KIAA1549: variants seen among roughly 807,000 people sequenced by gnomAD.
KIAA1549 encodes the protein UPF0606 protein KIAA1549.
KIAA1549 carries 70 observed loss-of-function variants against 156.4 expected under a neutral mutation model. That is an observed-to-expected ratio of 0.45 (90% confidence interval 0.37 to 0.55). The LOEUF (loss-of-function observed/expected upper bound fraction) is 0.55. Ranked by LOEUF, KIAA1549 falls within the 20% of genes least tolerant of loss-of-function variation. The probability of loss-of-function intolerance (pLI) is 0.00; values close to 1 mark genes in which losing one functional copy is unlikely to be tolerated. For synonymous variants in KIAA1549, 1,103 were observed against 1,066.4 expected (o/e 1.03, Z -0.67); for missense variants, 2,428 against 2,540.9 (o/e 0.96, Z 0.96).
At chr7:138,923,018 A>G (rs1306784126) in intron 1 of KIAA1549, among the ~76,000 whole-genome samples, 1 of 152,180 alleles carries the variant, frequency 6.6e-6, no homozygotes, top group Non-Finnish European at 1.5e-5. Context: ...AGACAAAGAG[A>G]AATTGTAAAA....
At chr7:138,904,535 G>C (rs6467818) in intron 7 of KIAA1549, among the ~76,000 whole-genome samples, 45,593 of 148,464 alleles carry the variant, frequency 0.31, 7,193 homozygotes, top group Middle Eastern at 0.4. Flanking sequence ...GAGTACGTAA[G>C]TACTGTTCAG....
intron 8 of KIAA1549, 53 bp downstream of exon 8, chr7:138,903,535 A>C: frequency 1.3e-6 from 2 of 1,570,200 alleles, no homozygotes; most frequent in Non-Finnish European, 1.7e-6. Flanking sequence ...CTCACACGCA[A>C]GCGCTGTCTC....
intron 10 of KIAA1549, among the ~76,000 whole-genome samples, chr7:138,885,866 G>A (rs1397325266): frequency 1.3e-5 from 2 of 152,230 alleles, no homozygotes; most frequent in Non-Finnish European, 2.9e-5. Context: ...AAGTTCTGGA[G>A]ACCTACACTT....
rs954211168 is a variant in KIAA1549 at position 138,833,270 on chromosome 7, C to G, written c.*4636G>C. On this transcript the variant is annotated 3_prime_UTR_variant, in exon 20 of 20. Transcript: ENST00000422774. The stretch of plus-strand genomic sequence containing the variant: ...TTCCAAACGACAAATTCATTCATGT[C>G]TGAGAATCTAGTGTGAAAGGGATGA... 3.0e-5 allele frequency: 7 copies of G among 232,578 alleles called. No individual in the cohort carries two copies. The highest frequency in any genetic ancestry group is 5.9e-5 in the Non-Finnish European group (7 of 117,768). The allele number at this position is 232,578 out of a possible 1,614,324, so 14.4% of individuals were successfully genotyped here.
In KIAA1549 at chr7:138,958,630, T is replaced by C. The variant is rs2130552231; in HGVS notation, c.187+22453A>G. Among the ~76,000 whole-genome samples the C allele has an allele frequency of 2.0e-5, 3 of 152,264 alleles. No individual in the cohort carries two copies. In the South Asian group the frequency reaches 6.2e-4, roughly 32 times the overall value. Reference sequence around the variant, plus strand: ...TGCCTGGGACTGTCATTTAAATCTCTTTCTCTCCCCCTCGTTTAGCTTATT... The same window carrying C: ...TGCCTGGGACTGTCATTTAAATCTCCTTCTCTCCCCCTCGTTTAGCTTATT... On this transcript the variant is annotated intron_variant, in intron 1 of 19. Transcript: ENST00000422774.
rs190647397 is a variant in KIAA1549 at position 138,889,936 on chromosome 7, G to A, written c.4032+4406C>T. Among the ~76,000 whole-genome samples, 349 of 152,242 alleles carry A rather than the reference G, an allele frequency of 2.3e-3. 3 individuals carry two copies. The highest frequency in any genetic ancestry group is 6.8e-3 in the Middle Eastern group (2 of 294). Reference sequence around the variant, plus strand: ...TCCACTTCTTTTAAAATAGAACCTAGAGTTCAGTCTGGCTGGTATACAATG... The same window carrying A: ...TCCACTTCTTTTAAAATAGAACCTAAAGTTCAGTCTGGCTGGTATACAATG... On this transcript the variant is annotated intron_variant, in intron 10 of 19. Transcript: ENST00000422774.
intron 12 of KIAA1549, among the ~76,000 whole-genome samples, chr7:138,875,377 G>A (rs78719318): frequency 0.043 from 6,615 of 152,246 alleles, 464 homozygotes; most frequent in African/African-American, 0.15. Flanking sequence ...GGGCATAGTG[G>A]CTCATGCCTA....
At chr7:138,842,132 C>CA (rs1174052926) in intron 18 of KIAA1549, among the ~76,000 whole-genome samples, 2 of 152,210 alleles carry the variant, frequency 1.3e-5, no homozygotes, top group Non-Finnish European at 1.5e-5. Context: ...TCCCTGTTTC[C>CA]AAAGGCTCAA....
chr7:138,938,726 C>A (rs73480103), intron 1 of KIAA1549, among the ~76,000 whole-genome samples: 25,466 of 152,196 alleles, frequency 0.17, 2,601 homozygotes, highest in African/African-American at 0.29. Flanking sequence ...TTAAATGCTG[C>A]CAAACAACCC....
At chr7:138,883,111 A>AG (rs1811292509) in intron 10 of KIAA1549, among the ~76,000 whole-genome samples, 1 of 126,720 alleles carries the variant, frequency 7.9e-6, no homozygotes, top group African/African-American at 2.9e-5. Flanking sequence ...AAAAAAAAAA[A>AG]AAAAAATTCA....
intron 17 of KIAA1549, among the ~76,000 whole-genome samples, chr7:138,845,391 G>C (rs1447699704): frequency 6.6e-6 from 1 of 152,120 alleles, no homozygotes; most frequent in Non-Finnish European, 1.5e-5. Context: ...GAAAAGGAAG[G>C]AGTATTTTAA....
intron 1 of KIAA1549, among the ~76,000 whole-genome samples, chr7:138,945,879 T>C (rs1254116057): frequency 2.0e-5 from 3 of 152,100 alleles, no homozygotes; most frequent in African/African-American, 7.2e-5. Context: ...TGTGCCATGA[T>C]TGTGCCACTG....
At chr7:138,920,466 G>GATGAATGAATGAATGA (rs71169064) in intron 1 of KIAA1549, among the ~76,000 whole-genome samples, 32 of 151,572 alleles carry the variant, frequency 2.1e-4, no homozygotes, top group Non-Finnish European at 2.9e-4. Flanking sequence ...CACTTGGATT[G>GATGAATGAATGAATGA]ATGAATGAAT....
At chr7:138,934,811 A>G (rs993491249) in intron 1 of KIAA1549, among the ~76,000 whole-genome samples, 2 of 152,314 alleles carry the variant, frequency 1.3e-5, no homozygotes, top group South Asian at 2.1e-4. Context: ...CCCCAGAAAG[A>G]GAAAGGGGAG....
In KIAA1549 at chr7:138,837,491, A is replaced by G. The variant is rs1281588366; in HGVS notation, c.*415T>C. On this transcript the variant is annotated 3_prime_UTR_variant, in exon 20 of 20. Coordinates refer to ENST00000422774, the MANE Select transcript of KIAA1549 (RefSeq NM_001164665.2). ...ATAAAATGTCTTCAAACCTCTTCTC[A>G]GAAAACAAAGCAGCAGGTTCATCGT... 5 of 284,242 alleles carry G rather than the reference A, an allele frequency of 1.8e-5. No individual in the cohort carries two copies. The Admixed American group carries it at 2.5e-4, about 14-fold the overall frequency. The allele number at this position is 284,242 out of a possible 1,614,324, so 17.6% of individuals were successfully genotyped here.
At chr7:138,886,110 C>A (rs1471925396) in intron 10 of KIAA1549, among the ~76,000 whole-genome samples, 1 of 152,106 alleles carries the variant, frequency 6.6e-6, no homozygotes, top group Non-Finnish European at 1.5e-5. Context: ...TTTCCACTCA[C>A]ACACACACCC....
At chr7:138,964,535 C>T (rs1043643356) in intron 1 of KIAA1549, among the ~76,000 whole-genome samples, 1 of 152,204 alleles carries the variant, frequency 6.6e-6, no homozygotes. Flanking sequence ...ACAGCATGCA[C>T]TCTATAATTG....
At chr7:138,893,724 T>C (rs913331992) in intron 10 of KIAA1549, among the ~76,000 whole-genome samples, 2 of 152,122 alleles carry the variant, frequency 1.3e-5, no homozygotes, top group African/African-American at 4.8e-5. Flanking sequence ...GATAAACAGA[T>C]CTGAGAAAGT....
At chr7:138,840,085 T>G in intron 19 of KIAA1549, 48 bp downstream of exon 19, 1 of 1,516,764 alleles carries the variant, frequency 6.6e-7, no homozygotes, top group Non-Finnish European at 8.9e-7. Context: ...CCACCGCACC[T>G]GGCCTATGTC....
Sources: allele counts gnomAD v4.1 joint callset (sites outside exome capture counted in the v4.1 genomes callset), GRCh38; gene constraint gnomAD v4.1.1; transcripts MANE v1.5; gene names NCBI Gene and HGNC (gene_info 2026-07-23, HGNC 2026-07-21).